RGS12: variants seen among roughly 807,000 people sequenced by gnomAD.
RGS12 encodes the protein regulator of G-protein signaling 12.
RGS12 carries 66 observed loss-of-function variants against 120.1 expected under a neutral mutation model. The ratio of observed to expected loss-of-function variants is 0.55; its 90% CI spans 0.45 to 0.67. The LOEUF is 0.67. RGS12 is among the 30% of genes least tolerant of loss of function. RGS12 has a pLI of 0.00. For missense variants in RGS12, 1,859 were observed against 1,957.7 expected, an observed-to-expected ratio of 0.95 and a Z score of 0.95; for synonymous variants, 827 against 804.7, an observed-to-expected ratio of 1.03 and a Z score of -0.47.
At chr4:3,312,075 C>T (rs1203433774) in intron 1 of RGS12, among the ~76,000 whole-genome samples, 2 of 152,044 alleles carry the variant, frequency 1.3e-5, no homozygotes, top group East Asian at 3.9e-4. Context: ...TGGCCTTGCC[C>T]CAGACTTACT....
chr4:3,311,337 G>A (rs1724390162), intron 1 of RGS12, among the ~76,000 whole-genome samples: 1 of 152,244 alleles, frequency 6.6e-6, no homozygotes, highest in Non-Finnish European at 1.5e-5. Context: ...CCCGGCATGA[G>A]TGGAGGAGTT....
Position 3,317,295 on chromosome 4 carries a change from C to T in RGS12, c.1125C>T (p.Phe375=), listed in dbSNP as rs770683198. 1.9e-6 allele frequency: 3 copies of T among 1,614,148 alleles called. No homozygotes were observed. In the South Asian group the frequency reaches 3.3e-5, roughly 18 times the overall value. The change falls in exon 2 of 18, where the codon TTC becomes TTT. Residue 375 remains phenylalanine (F), a synonymous_variant. Transcript: ENST00000336727. ...CAGACACCAATGGCTGTCTGGAATTCCCGGCGTCCTCCCTCCCCGTCCTGC... is the reference window on the plus strand; with the variant it reads ...CAGACACCAATGGCTGTCTGGAATTTCCGGCGTCCTCCCTCCCCGTCCTGC... ...ADPDTNGCLE[F]PASSLPVLQF...
chr4:3,415,939 G>A (rs1396976699), intron 6 of RGS12, 39 bp from the exon 7 acceptor site: 3 of 1,575,318 alleles, frequency 1.9e-6, no homozygotes, highest in Admixed American at 1.8e-5. Flanking sequence ...TGCGGGGAGA[G>A]GAAGCCTTGC....
chr4:3,424,045 A>C (rs1458311513), intron 13 of RGS12, among the ~76,000 whole-genome samples: 1 of 152,206 alleles, frequency 6.6e-6, no homozygotes, highest in Non-Finnish European at 1.5e-5. Flanking sequence ...GGTCACATGG[A>C]GATGTCCTGA....
intron 2 of RGS12, among the ~76,000 whole-genome samples, chr4:3,321,145 AT>A (rs1356055189): frequency 6.6e-6 from 1 of 152,178 alleles, no homozygotes; most frequent in Non-Finnish European, 1.5e-5. Flanking sequence ...AGTATACAGA[AT>A]CGTTAACAAA....
At position 3,417,005 on chromosome 4, in the gene RGS12, A is replaced by G; in HGVS notation, c.2520A>G (p.Ala840=). 6.2e-7 allele frequency: 1 copy of G among 1,613,204 alleles called. No homozygotes were observed. The highest frequency in any genetic ancestry group is 1.1e-5 in the South Asian group (1 of 91,062). Reference sequence around the variant, plus strand: ...TCCTGGCGGAAGTGGAGGGCCGTGCACTCCCGGACTCGCAGCAGGTCCCCA... The same window carrying G: ...TCCTGGCGGAAGTGGAGGGCCGTGCGCTCCCGGACTCGCAGCAGGTCCCCA... The part of the protein sequence containing the change: ...ECILAEVEGR[A]LPDSQQVPSS... The change falls in exon 8 of 18, where the codon GCA becomes GCG. Residue 840 remains alanine (A), a synonymous_variant. Coordinates refer to ENST00000336727, the MANE Select transcript of RGS12 (RefSeq NM_001394154.1).
intron 3 of RGS12, among the ~76,000 whole-genome samples, chr4:3,376,271 C>G (rs898316216): frequency 6.6e-6 from 1 of 151,828 alleles, no homozygotes; most frequent in African/African-American, 2.4e-5. Context: ...CACACACACA[C>G]ACACACACAC....
chr4:3,435,906 G>C (rs1352222892), intron 17 of RGS12, among the ~76,000 whole-genome samples: 2 of 152,204 alleles, frequency 1.3e-5, no homozygotes, highest in Admixed American at 6.5e-5. Flanking sequence ...CCGGCTTGAA[G>C]CCCCTCCCTG....
chr4:3,306,051 T>C (rs988830643), intron 1 of RGS12, among the ~76,000 whole-genome samples: 3 of 152,220 alleles, frequency 2.0e-5, no homozygotes, highest in Admixed American at 2.0e-4. Context: ...CTGGCATCCC[T>C]CTGAGATGAG....
intron 17 of RGS12, among the ~76,000 whole-genome samples, chr4:3,438,424 G>T (rs960663032): frequency 5.9e-5 from 9 of 151,982 alleles, no homozygotes; most frequent in Admixed American, 2.0e-4. Context: ...GTACAGATGG[G>T]GGGGTGGGGT....
At chr4:3,422,683 C>A in intron 11 of RGS12, 113 bp downstream of exon 11, 2 of 1,246,792 alleles carry the variant, frequency 1.6e-6, no homozygotes, top group Non-Finnish European at 2.2e-6. Flanking sequence ...CTCATTTCAA[C>A]AGCGCCTGGG....
At position 3,317,451 on chromosome 4, in the gene RGS12, G is replaced by A. The variant is rs1339329077; in HGVS notation, c.1281G>A (p.Gly427=). 6.2e-7 allele frequency: 1 copy of A among 1,614,076 alleles called. No homozygotes were observed. The highest frequency in any genetic ancestry group is 8.5e-7 in the Non-Finnish European group (1 of 1,180,046). Residue 427 remains glycine, a synonymous_variant, in exon 2 of 18, where the codon GGG becomes GGA. Coordinates refer to ENST00000336727, the MANE Select transcript of RGS12 (RefSeq NM_001394154.1). The part of the protein sequence containing the change: ...STSSNSDSGI[G]NFHQEEKSNR... ...GCAGCAACAGTGACAGCGGCATTGG[G>A]AACTTCCACCAGGAGGAGAAGAGCA... is the stretch of plus-strand genomic sequence containing the variant.
At chr4:3,338,582 C>T (rs1223033218) in intron 2 of RGS12, among the ~76,000 whole-genome samples, 2 of 152,194 alleles carry the variant, frequency 1.3e-5, no homozygotes, top group Non-Finnish European at 2.9e-5. Context: ...CTGAAGCCGG[C>T]TGGCTCAGGC....
chr4:3,395,014 C>G (rs1389804276), intron 4 of RGS12, among the ~76,000 whole-genome samples: 1 of 145,370 alleles, frequency 6.9e-6, no homozygotes, highest in Admixed American at 6.9e-5. Flanking sequence ...ACCAAAAATA[C>G]AAAAAAACAA....
intron 14 of RGS12, among the ~76,000 whole-genome samples, chr4:3,427,879 G>T (rs916834430): frequency 1.3e-5 from 2 of 152,242 alleles, no homozygotes; most frequent in African/African-American, 4.8e-5. Context: ...TCCCTAGTTA[G>T]ATGTACGGAG....
intron 1 of RGS12, among the ~76,000 whole-genome samples, chr4:3,304,932 G>A (rs1288074370): frequency 2.6e-5 from 4 of 152,252 alleles, no homozygotes; most frequent in East Asian, 3.9e-4. Context: ...TGAGGCTCAC[G>A]CAGGGCTGTG....
At position 3,439,655 on chromosome 4, in the gene RGS12, A is replaced by G. The variant is rs2109284809; in HGVS notation, c.4315A>G (p.Thr1439Ala). ...PVPGEPAKPK[T>A]SAHHATFV Reference sequence around the variant, plus strand: ...CCCGGGTGAGCCTGCTAAGCCCAAGACCAGCGCTCACCACGCCACCTTCGT... The same window carrying G: ...CCCGGGTGAGCCTGCTAAGCCCAAGGCCAGCGCTCACCACGCCACCTTCGT... Residue 1439 changes from threonine (T) to alanine (A), a missense_variant, in exon 18 of 18, where the codon ACC (threonine) becomes GCC (alanine). Physicochemically the swap from Thr to Ala is moderately conservative, Grantham distance 58. Transcript: ENST00000336727. The G allele has an allele frequency of 1.3e-6, 2 of 1,556,354 alleles. No homozygotes were observed. Among genetic ancestry groups the G allele is most frequent in the East Asian group, 4.6e-5 (2 of 43,688 alleles).
intron 3 of RGS12, among the ~76,000 whole-genome samples, chr4:3,356,869 C>T (rs1372872646): frequency 6.6e-6 from 1 of 152,092 alleles, no homozygotes; most frequent in Non-Finnish European, 1.5e-5. Flanking sequence ...TGTATAAATA[C>T]CTGTTCGAGT....
Position 3,365,191 on chromosome 4 carries a change from C to T in RGS12, c.1999-21225C>T, listed in dbSNP as rs187608789. Among the ~76,000 whole-genome samples, 8 of 152,258 alleles carry T rather than the reference C, an allele frequency of 5.3e-5. No homozygotes were observed. Among genetic ancestry groups the T allele is most frequent in the African/African-American group, 1.7e-4 (7 of 41,558 alleles). On this transcript the variant is annotated intron_variant, in intron 3 of 17. Coordinates refer to ENST00000336727, the MANE Select transcript of RGS12 (RefSeq NM_001394154.1). The surrounding 1 kb of genome is among the most constrained non-coding windows in gnomAD (Gnocchi z 4.0). ...ATGTTCAGGGCCAGGGATGGCAGAC[C>T]GCAGTCCCCGGCCAGATCCACTGCC... is the stretch of plus-strand genomic sequence containing the variant.
Sources: gnomAD v4.1 joint callset for allele counts (sites outside exome capture counted in the v4.1 genomes callset) on GRCh38, gnomAD v4.1.1 for gene constraint, Gnocchi (gnomAD v3.1) non-coding constraint, MANE v1.5 for transcripts, NCBI Gene and HGNC (gene_info 2026-07-23, HGNC 2026-07-21) for gene names.